The following PCDHGA11 variants were observed in gnomAD, a reference collection of about 807,000 sequenced individuals.
PCDHGA11 encodes the protein protocadherin gamma-A11.
In PCDHGA11, 39 loss-of-function variants were observed where a neutral mutation model predicts 60.4. The ratio of observed to expected loss-of-function variants is 0.65; its 90% CI spans 0.50 to 0.84. The LOEUF (loss-of-function observed/expected upper bound fraction) is 0.84. Among genes scored for constraint, PCDHGA11 ranks in the 40% least tolerant of loss-of-function variants. PCDHGA11 has a pLI of 0.00. For synonymous variants in PCDHGA11, 533 were observed against 510.3 expected (o/e 1.04, Z -0.60); for missense variants, 1,165 against 1,197.7 (o/e 0.97, Z 0.40).
At position 141,423,297 on chromosome 5, in the gene PCDHGA11, C is replaced by T; in HGVS notation, c.2070C>T (p.Leu690=). The T allele has an allele frequency of 1.9e-6, 3 of 1,614,170 alleles. No homozygotes were observed. Among genetic ancestry groups the T allele is most frequent in the South Asian group, 1.1e-5 (1 of 91,084 alleles). Residue 690 remains leucine (L), a synonymous_variant, in exon 1 of 4, where the codon CTC becomes CTT. Coordinates refer to ENST00000398587, the MANE Select transcript of PCDHGA11 (RefSeq NM_018914.3). ...TGGCTAACTCTGAAACCTCAGACCT[C>T]TCGCTGTACTTGGTGGTGGCGGTGG... ...ESLANSETSD[L]SLYLVVAVAA...
chr5:141,431,071 A>G lies in PCDHGA11; in HGVS notation c.2433+7411A>G. The G allele has an allele frequency of 6.2e-7, 1 of 1,614,244 alleles. No homozygotes were observed. On this transcript the variant is annotated intron_variant, in intron 1 of 3. Coordinates refer to ENST00000398587, the MANE Select transcript of PCDHGA11 (RefSeq NM_018914.3). The surrounding 1 kb of genome is among the most constrained non-coding windows in gnomAD (Gnocchi z 4.8). ...GTATGGGGGCCATCAAGTGTCAATTAAATCTAGACATTCTGATGGAGGATA... is the reference window on the plus strand; with the variant it reads ...GTATGGGGGCCATCAAGTGTCAATTGAATCTAGACATTCTGATGGAGGATA...
intron 1 of PCDHGA11, among the ~76,000 whole-genome samples, chr5:141,469,859 A>C (rs2099213257): frequency 6.6e-6 from 1 of 152,080 alleles, no homozygotes; most frequent in Non-Finnish European, 1.5e-5. Context: ...GACCGGGTGC[A>C]ATGGCTCACG....
At chr5:141,428,358 G>A in intron 1 of PCDHGA11, 2 of 565,492 alleles carry the variant, frequency 3.5e-6, no homozygotes, top group South Asian at 1.9e-5. Context: ...TGATTTTGGC[G>A]GTCGCCTTGC....
At chr5:141,454,796 ATTTTTTTTTTTT>A (rs61612330) in intron 1 of PCDHGA11, among the ~76,000 whole-genome samples, 76 of 77,462 alleles carry the variant, frequency 9.8e-4, no homozygotes, top group African/African-American at 3.9e-3. Flanking sequence ...CATGGTTCTA[ATTTTTTTTTTTT>A]TTTTTTTTTT....
chr5:141,486,090 G>T lies in PCDHGA11; in HGVS notation c.2434-8717G>T, dbSNP rs190955361. 2.5e-6 allele frequency: 4 copies of T among 1,614,086 alleles called. No individual in the cohort carries two copies. In the East Asian group the frequency reaches 8.9e-5, roughly 36 times the overall value. On this transcript the variant is annotated intron_variant, in intron 1 of 3. Transcript: ENST00000398587. This position sits in a 1 kb window ranked among gnomAD's most constrained non-coding sequence, Gnocchi z 5.0. Reference sequence around the variant, plus strand: ...ACTACTGGAAAGCTTACTCTTTTGGGGCCCCTAGACTTTGAGAGTGAGAAT... The same window carrying T: ...ACTACTGGAAAGCTTACTCTTTTGGTGCCCCTAGACTTTGAGAGTGAGAAT...
chr5:141,512,917 T>C lies in PCDHGA11; in HGVS notation c.*1744T>C, dbSNP rs543880225. On this transcript the variant is annotated 3_prime_UTR_variant, in exon 4 of 4. Transcript: ENST00000398587. ...TGTGTCTCACGCAAGTTTTATACTCTAATATTTATATGGCTTTTTTTCTTC... is the reference window on the plus strand; with the variant it reads ...TGTGTCTCACGCAAGTTTTATACTCCAATATTTATATGGCTTTTTTTCTTC... The C allele has an allele frequency of 1.3e-5, 2 of 152,378 alleles. No individual in the cohort carries two copies. Among genetic ancestry groups the C allele is most frequent in the African/African-American group, 2.4e-5 (1 of 41,588 alleles). The allele number at this position is 152,378 out of a possible 1,614,324, so 9.4% of individuals were successfully genotyped here.
chr5:141,432,173 G>C lies in PCDHGA11; in HGVS notation c.2433+8513G>C, dbSNP rs771177256. On this transcript the variant is annotated intron_variant, in intron 1 of 3. Transcript: ENST00000398587. This position sits in a 1 kb window ranked among gnomAD's most constrained non-coding sequence, Gnocchi z 6.0. ...GAACAATCCCAGAGGAGTTTCCCTC[G>C]TCTCTGTGACCGCCCACGACCCCGA... The C allele has an allele frequency of 3.1e-6, 5 of 1,614,054 alleles. No homozygotes were observed. Among genetic ancestry groups the C allele is most frequent in the South Asian group, 1.1e-5 (1 of 91,054 alleles).
intron 2 of PCDHGA11, among the ~76,000 whole-genome samples, chr5:141,499,528 G>T (rs961802549): frequency 1.3e-5 from 2 of 152,142 alleles, no homozygotes; most frequent in African/African-American, 2.4e-5. Context: ...AAAGTAGAGA[G>T]AATGGTGTCA....
Position 141,456,465 on chromosome 5 carries a change from C to T in PCDHGA11, c.2433+32805C>T, listed in dbSNP as rs553441797. ...ACAGAGTCCAAATATCAATACAAGA[C>T]ATATAAGCAAGAGAGTGCTTAATAA... On this transcript the variant is annotated intron_variant, in intron 1 of 3. Coordinates refer to ENST00000398587, the MANE Select transcript of PCDHGA11 (RefSeq NM_018914.3). 2.6e-5 allele frequency among the ~76,000 whole-genome samples: 4 copies of T among 152,212 alleles called. No homozygotes were observed. In the East Asian group the frequency reaches 7.7e-4, roughly 29 times the overall value.
At chr5:141,492,168 A>C (rs1426223836) in intron 1 of PCDHGA11, among the ~76,000 whole-genome samples, 1 of 152,108 alleles carries the variant, frequency 6.6e-6, no homozygotes, top group African/African-American at 2.4e-5. Context: ...CTATCCCCGC[A>C]TCACCCAACC....
At chr5:141,470,388 T>C (rs1234907080) in intron 1 of PCDHGA11, among the ~76,000 whole-genome samples, 4 of 152,198 alleles carry the variant, frequency 2.6e-5, no homozygotes, top group African/African-American at 9.6e-5. Flanking sequence ...TACTCGATGA[T>C]ATTTAGGATT....
At chr5:141,446,035 A>G (rs1300621298) in intron 1 of PCDHGA11, among the ~76,000 whole-genome samples, 1 of 152,222 alleles carries the variant, frequency 6.6e-6, no homozygotes, top group Non-Finnish European at 1.5e-5. Context: ...CTGGTAAGAA[A>G]TGGAAGAAGA....
In PCDHGA11 at chr5:141,421,081, A is replaced by C. The variant is rs775366249; in HGVS notation, c.-147A>C. 61 of 637,820 alleles carry C rather than the reference A, an allele frequency of 9.6e-5. 1 individual carries two copies. The Middle Eastern group carries it at 2.9e-3, about 31-fold the overall frequency. The allele number at this position is 637,820 out of a possible 1,614,324, so 39.5% of individuals were successfully genotyped here. ...ACAAAGCGGAATGAGATGGATACTCACAGATCCTGACACTGGAGACTTAGA... is the reference window on the plus strand; with the variant it reads ...ACAAAGCGGAATGAGATGGATACTCCCAGATCCTGACACTGGAGACTTAGA... On this transcript the variant is annotated 5_prime_UTR_variant, in exon 1 of 4. Coordinates refer to ENST00000398587, the MANE Select transcript of PCDHGA11 (RefSeq NM_018914.3).
intron 1 of PCDHGA11, among the ~76,000 whole-genome samples, chr5:141,437,052 T>A (rs986734485): frequency 6.6e-5 from 10 of 152,258 alleles, no homozygotes; most frequent in Non-Finnish European, 1.3e-4. Flanking sequence ...AGAAGGCTGG[T>A]GATCATTATT....
intron 1 of PCDHGA11, among the ~76,000 whole-genome samples, chr5:141,448,952 C>A (rs1278778374): frequency 2.6e-5 from 4 of 151,698 alleles, no homozygotes; most frequent in Non-Finnish European, 5.9e-5. Flanking sequence ...CTCAAAAAAA[C>A]AAACAAACAA....
chr5:141,464,093 C>T (rs1029458289), intron 1 of PCDHGA11, among the ~76,000 whole-genome samples: 1 of 151,888 alleles, frequency 6.6e-6, no homozygotes, highest in Non-Finnish European at 1.5e-5. Context: ...GGTGAAACTC[C>T]GTCTCTACTA....
Position 141,490,526 on chromosome 5 carries a change from C to T in PCDHGA11, c.2434-4281C>T, listed in dbSNP as rs1270447529. 6.2e-7 allele frequency: 1 copy of T among 1,614,116 alleles called. No homozygotes were observed. Among genetic ancestry groups the T allele is most frequent in the Non-Finnish European group, 8.5e-7 (1 of 1,180,008 alleles). ...ATCATCGAGCTGCTGGCCAGCGATGCTGGTTCACCTTCCCTACACAAACAT... is the reference window on the plus strand; with the variant it reads ...ATCATCGAGCTGCTGGCCAGCGATGTTGGTTCACCTTCCCTACACAAACAT... On this transcript the variant is annotated intron_variant, in intron 1 of 3. Coordinates refer to ENST00000398587, the MANE Select transcript of PCDHGA11 (RefSeq NM_018914.3). The surrounding 1 kb of genome is among the most constrained non-coding windows in gnomAD (Gnocchi z 5.4).
Position 141,491,589 on chromosome 5 carries a change from C to T in PCDHGA11, c.2434-3218C>T. 6.2e-7 allele frequency: 1 copy of T among 1,613,926 alleles called. No homozygotes were observed. The highest frequency in any genetic ancestry group is 8.5e-7 in the Non-Finnish European group (1 of 1,180,024). ...GGACGTGCTTTTCACCGGCCTCGGA[C>T]GGCAGTGACTTCACTTTTCTAAGAC... On this transcript the variant is annotated intron_variant, in intron 1 of 3. Transcript: ENST00000398587. This position sits in a 1 kb window ranked among gnomAD's most constrained non-coding sequence, Gnocchi z 6.9.
intron 1 of PCDHGA11, among the ~76,000 whole-genome samples, chr5:141,470,181 A>G (rs974401154): frequency 3.9e-5 from 6 of 152,236 alleles, no homozygotes; most frequent in African/African-American, 9.6e-5. Flanking sequence ...AAAATATTCA[A>G]GTAAACTTCA....
Sources: gnomAD v4.1 joint callset for allele counts (sites outside exome capture counted in the v4.1 genomes callset) on GRCh38, gnomAD v4.1.1 for gene constraint, Gnocchi (gnomAD v3.1) non-coding constraint, MANE v1.5 for transcripts, NCBI Gene and HGNC (gene_info 2026-07-23, HGNC 2026-07-21) for gene names.